The following PDCD11 variants were observed in gnomAD, a reference collection of about 807,000 sequenced individuals.
PDCD11 encodes the protein programmed cell death 11.
PDCD11 carries 97 observed loss-of-function variants against 198.9 expected under a neutral mutation model. That is an observed-to-expected ratio of 0.49 (90% CI 0.41 to 0.58). The LOEUF (loss-of-function observed/expected upper bound fraction) is 0.58. Ranked by LOEUF, PDCD11 falls within the 20% of genes least tolerant of loss-of-function variation. PDCD11 has a pLI of 0.00. For synonymous variants in PDCD11, 893 were observed against 918.0 expected (o/e 0.97, Z 0.49); for missense variants, 2,102 against 2,312.7 (o/e 0.91, Z 1.87).
intron 8 of PDCD11, among the ~76,000 whole-genome samples, chr10:103,412,052 G>C (rs866615956): frequency 4.3e-4 from 65 of 152,124 alleles, no homozygotes; most frequent in African/African-American, 1.4e-3. Context: ...ACCCAGGCTG[G>C]AGTGCAGTGG....
chr10:103,415,212 T>G, intron 12 of PDCD11, 61 bp downstream of exon 12: 1 of 1,560,762 alleles, frequency 6.4e-7, no homozygotes, highest in Non-Finnish European at 8.8e-7. Flanking sequence ...AGTTCTCAAC[T>G]GAAGTTTCTG....
chr10:103,421,969 GTC>G, intron 17 of PDCD11, among the ~76,000 whole-genome samples: 1 of 101,988 alleles, frequency 9.8e-6, no homozygotes, highest in African/African-American at 4.3e-5. Flanking sequence ...GTGAGACTCC[GTC>G]TCAAAAAAAA....
chr10:103,409,813 A>C lies in PDCD11; in HGVS notation c.978+7A>C. 6.3e-7 allele frequency: 1 copy of C among 1,597,212 alleles called. No individual in the cohort carries two copies. Among genetic ancestry groups the C allele is most frequent in the South Asian group, 1.1e-5 (1 of 90,732 alleles). ...ATATTTCTCAAATCAGGCAGTAAGAAATGTTGAGCCTATATTTTCTTGATT... is the reference window on the plus strand; with the variant it reads ...ATATTTCTCAAATCAGGCAGTAAGACATGTTGAGCCTATATTTTCTTGATT... On this transcript the variant is annotated splice_region_variant and intron_variant, in intron 8 of 35. Transcript: ENST00000369797.
At chr10:103,423,418 A>G in intron 18 of PDCD11, 125 bp from the exon 19 acceptor site, 1 of 745,734 alleles carries the variant, frequency 1.3e-6, no homozygotes, top group Admixed American at 2.3e-5. Context: ...TATGGCCCGT[A>G]TGGACCCAGG....
chr10:103,434,471 T>G, intron 24 of PDCD11, 121 bp downstream of exon 24: 1 of 686,610 alleles, frequency 1.5e-6, no homozygotes, highest in Non-Finnish European at 2.5e-6. Context: ...GAAAGCCTGG[T>G]GTGGGACCTT....
Position 103,445,488 on chromosome 10 carries a change from A to T in PDCD11, c.5555A>T (p.Gln1852Leu). The T allele has an allele frequency of 6.2e-7, 1 of 1,614,184 alleles. No individual in the cohort carries two copies. The highest frequency in any genetic ancestry group is 1.1e-5 in the South Asian group (1 of 91,074). ...EKQHGTEKDV[Q>L]AVKAKALEYV... ...CAGCATGGCACTGAGAAGGATGTGC[A>T]GGCAGTCAAGGCCAAGGCCCTGGAG... The change falls in exon 36 of 36, where the codon CAG becomes CTG. Residue 1852 changes from glutamine to leucine, a missense_variant. Physicochemically the swap from Gln to Leu is moderately radical, Grantham distance 113. Coordinates refer to ENST00000369797, the MANE Select transcript of PDCD11 (RefSeq NM_014976.2).
rs543001494 is a variant in PDCD11 at position 103,421,397 on chromosome 10, G to C, written c.2327G>C (p.Gly776Ala). 6.2e-6 allele frequency: 10 copies of C among 1,609,826 alleles called. No individual in the cohort carries two copies. The highest frequency in any genetic ancestry group is 8.5e-6 in the Non-Finnish European group (10 of 1,178,144). The change falls in exon 17 of 36, where the codon GGC becomes GCC. Residue 776 changes from glycine to alanine, a missense_variant. Gly to Ala is a moderately conservative substitution (Grantham distance 60). Transcript: ENST00000369797. ...VTSTSDHFVE[G>A]QTVAAKVTNV... The stretch of plus-strand genomic sequence containing the variant: ...TCCACAAGTGACCACTTTGTTGAGG[G>C]CCAGACAGTAGCGGCAAAGGTGACC...
intron 35 of PDCD11, among the ~76,000 whole-genome samples, chr10:103,445,116 T>C (rs963482322): frequency 6.6e-6 from 1 of 152,220 alleles, no homozygotes; most frequent in Non-Finnish European, 1.5e-5. Context: ...TAGCTTTGTC[T>C]TGATCACTGT....
In PDCD11 at chr10:103,406,717, TTGC is replaced by T. The variant is rs1398570136; in HGVS notation, c.799_801del (p.Ala267del). 6.2e-7 allele frequency: 1 copy of T among 1,614,030 alleles called. No individual in the cohort carries two copies. Among genetic ancestry groups the T allele is most frequent in the Non-Finnish European group, 8.5e-7 (1 of 1,180,016 alleles). The stretch of plus-strand genomic sequence containing the variant: ...GGTCACTCAGAGGTTTCTACGGCCA[TTGC>T]TACTGAACAGCAGAGCTGGAACCTT... On this transcript the variant is annotated inframe_deletion, in exon 7 of 36. Transcript: ENST00000369797.
At chr10:103,437,303 G>A (rs560559307) in intron 25 of PDCD11, among the ~76,000 whole-genome samples, 2 of 151,914 alleles carry the variant, frequency 1.3e-5, no homozygotes, top group Non-Finnish European at 2.9e-5. Context: ...CACCACACCT[G>A]GCTTTTTAAA....
intron 7 of PDCD11, 122 bp downstream of exon 7, chr10:103,406,912 C>A: frequency 1.4e-6 from 1 of 717,338 alleles, no homozygotes; most frequent in Non-Finnish European, 2.2e-6. Context: ...GCCCATTGAG[C>A]ATTTCAAATG....
intron 20 of PDCD11, among the ~76,000 whole-genome samples, chr10:103,426,068 T>C (rs2133722874): frequency 6.6e-6 from 1 of 152,364 alleles, no homozygotes; most frequent in South Asian, 2.1e-4. Flanking sequence ...TGGCAGTAGC[T>C]ACTTAAGTCC....
At chr10:103,416,957 G>C (rs2031146264) in intron 13 of PDCD11, among the ~76,000 whole-genome samples, 1 of 152,196 alleles carries the variant, frequency 6.6e-6, no homozygotes, top group African/African-American at 2.4e-5. Context: ...TGGATCTCAG[G>C]CACGCATGGA....
intron 9 of PDCD11, 27 bp from the exon 10 acceptor site, chr10:103,413,939 T>C (rs113309754): frequency 6.3e-7 from 1 of 1,589,148 alleles, no homozygotes; most frequent in South Asian, 1.1e-5. Context: ...GTCCCTGGCT[T>C]ATCCTCAATC....
Position 103,425,510 on chromosome 10 carries a change from A to G in PDCD11, c.3290A>G (p.Asp1097Gly), listed in dbSNP as rs764789270. ...TVTARVIGGR[D>G]MKTFKYLPIS... ...ACTGCCCGAGTGATTGGCGGGCGAG[A>G]CATGAAGACATTCAAGTATGGAGGC... The change falls in exon 20 of 36, where the codon GAC (aspartate) becomes GGC (glycine). Residue 1097 changes from aspartate to glycine, a missense_variant. Coordinates refer to ENST00000369797, the MANE Select transcript of PDCD11 (RefSeq NM_014976.2). The G allele has an allele frequency of 8.1e-6, 13 of 1,607,958 alleles. No homozygotes were observed. The highest frequency in any genetic ancestry group is 1.1e-5 in the Non-Finnish European group (13 of 1,174,974).
At chr10:103,400,226 C>CTTT (rs113535367) in intron 2 of PDCD11, among the ~76,000 whole-genome samples, 171 bp from the exon 3 acceptor site, 2 of 135,388 alleles carry the variant, frequency 1.5e-5, no homozygotes, top group Non-Finnish European at 3.1e-5. Flanking sequence ...GGCCCCCCCC[C>CTTT]TTTTTTTTTT....
intron 13 of PDCD11, 145 bp from the exon 14 acceptor site, chr10:103,417,647 G>T: frequency 2.5e-6 from 2 of 798,028 alleles, no homozygotes; most frequent in Non-Finnish European, 4.1e-6. Flanking sequence ...AGCTCTCAGT[G>T]CATTTCTTCT....
chr10:103,437,922 C>G, intron 25 of PDCD11, 93 bp from the exon 26 acceptor site: 2 of 970,898 alleles, frequency 2.1e-6, no homozygotes, highest in Non-Finnish European at 3.3e-6. Flanking sequence ...TCACTCCTGC[C>G]TATTCGTCAG....
chr10:103,434,245 C>T lies in PDCD11; in HGVS notation c.3565-3C>T. ...CATCACAGGAGTTTTTTTATCCTTC[C>T]AGGTTCTGAAGCATCCAGATAAGAA... On this transcript the variant is annotated splice_region_variant and splice_polypyrimidine_tract_variant and intron_variant, in intron 23 of 35. Coordinates refer to ENST00000369797, the MANE Select transcript of PDCD11 (RefSeq NM_014976.2). 1 of 1,603,806 alleles carries T rather than the reference C, an allele frequency of 6.2e-7. No individual in the cohort carries two copies.
Sources: gnomAD v4.1 joint callset for allele counts (sites outside exome capture counted in the v4.1 genomes callset) on GRCh38, gnomAD v4.1.1 for gene constraint, MANE v1.5 for transcripts, NCBI Gene and HGNC (gene_info 2026-07-23, HGNC 2026-07-21) for gene names.